EML1: variants seen among roughly 807,000 people sequenced by gnomAD.
EML1 encodes EMAP like 1, also known as echinoderm microtubule-associated protein-like 1.
In EML1, 27 loss-of-function variants were observed where a neutral mutation model predicts 110.4. The ratio of observed to expected loss-of-function variants is 0.24; its 90% CI spans 0.18 to 0.34. The LOEUF is 0.34. Ranked by LOEUF, EML1 falls within the 10% of genes least tolerant of loss-of-function variation. The pLI, the probability that EML1 is intolerant of heterozygous loss-of-function variation, is 1.00. For synonymous variants in EML1, 344 were observed against 385.8 expected (o/e 0.89, Z 1.27); for missense variants, 741 against 1,030.9 (o/e 0.72, Z 3.85).
intron 20 of EML1, 118 bp downstream of exon 20, chr14:99,938,030 GGA>G: frequency 9.6e-7 from 1 of 1,036,814 alleles, no homozygotes; most frequent in Non-Finnish European, 1.4e-6. Flanking sequence ...GGCTGCTACG[GGA>G]GGCCCATGAG....
rs1243025981 is a variant in EML1, at chr14:99,868,772, A to AT, written c.383+3133dup. ...AAAAAAACAATTCTTGGTTTTGTTG[A>AT]TTTTTTTCCTATTGTTTTTCTATTC... On this transcript the variant is annotated intron_variant, in intron 3 of 21. Transcript: ENST00000262233. Among the ~76,000 whole-genome samples, 7 of 150,954 alleles carry AT rather than the reference A, an allele frequency of 4.6e-5. No individual in the cohort carries two copies. In the East Asian group the frequency reaches 5.9e-4, roughly 13 times the overall value.
chr14:99,906,121 A>C (rs2059841998), intron 9 of EML1, among the ~76,000 whole-genome samples: 1 of 151,854 alleles, frequency 6.6e-6, no homozygotes, highest in African/African-American at 2.4e-5. Context: ...ATGTCACTGG[A>C]CCCCACCACT....
At chr14:99,815,931 G>A (rs989671484) in intron 1 of EML1, among the ~76,000 whole-genome samples, 1 of 152,184 alleles carries the variant, frequency 6.6e-6, no homozygotes, top group African/African-American at 2.4e-5. Flanking sequence ...TCTGACAGGG[G>A]TAAGAATGTG....
chr14:99,741,809 G>A (rs540305397), intron 1 of EML1, among the ~76,000 whole-genome samples: 16 of 152,292 alleles, frequency 1.1e-4, no homozygotes, highest in African/African-American at 3.1e-4. Context: ...GGGGCCTGGC[G>A]TGGTGTCCCT....
chr14:99,838,935 G>A (rs1040311118), intron 1 of EML1: 1 of 151,544 alleles, frequency 6.6e-6, no homozygotes, highest in Non-Finnish European at 1.5e-5. Flanking sequence ...GTGTGTGCGC[G>A]CGCGCGTGCA....
intron 15 of EML1, among the ~76,000 whole-genome samples, chr14:99,915,739 C>G (rs916593214): frequency 2.6e-5 from 4 of 152,216 alleles, no homozygotes; most frequent in African/African-American, 9.7e-5. Context: ...GTTCTTTCCA[C>G]TGCATTGCAC....
chr14:99,883,017 G>A (rs1447245475), intron 4 of EML1, among the ~76,000 whole-genome samples: 1 of 152,032 alleles, frequency 6.6e-6, no homozygotes, highest in African/African-American at 2.4e-5. Flanking sequence ...TTCATCTCAG[G>A]GCTCTTCAGG....
chr14:99,866,570 CAAAAAA>C (rs57796662), intron 3 of EML1, among the ~76,000 whole-genome samples: 2 of 80,114 alleles, frequency 2.5e-5, no homozygotes, highest in Non-Finnish European at 4.6e-5. Flanking sequence ...AACTCCATCT[CAAAAAA>C]AAAAAAAAAA....
At chr14:99,848,462 C>T (rs2058739197) in intron 1 of EML1, among the ~76,000 whole-genome samples, 1 of 151,976 alleles carries the variant, frequency 6.6e-6, no homozygotes, top group South Asian at 2.1e-4. Context: ...TATTTTAAAA[C>T]ATGTTGTATA....
intron 11 of EML1, among the ~76,000 whole-genome samples, chr14:99,909,986 T>C (rs1248023190): frequency 6.6e-6 from 1 of 152,156 alleles, no homozygotes; most frequent in Non-Finnish European, 1.5e-5. Flanking sequence ...CTCCGCTTGC[T>C]GTCTGCAGCT....
chr14:99,811,565 G>T (rs2058079911), intron 1 of EML1, among the ~76,000 whole-genome samples: 1 of 151,166 alleles, frequency 6.6e-6, no homozygotes, highest in Non-Finnish European at 1.5e-5. Flanking sequence ...CACTTTGGGT[G>T]GCCAAGGCGG....
intron 2 of EML1, among the ~76,000 whole-genome samples, chr14:99,851,302 A>G (rs921035266): frequency 1.3e-5 from 2 of 151,958 alleles, no homozygotes; most frequent in African/African-American, 4.8e-5. Context: ...CAAATGGACC[A>G]CTGAGAACAG....
chr14:99,830,405 G>A (rs1288145318), intron 1 of EML1, among the ~76,000 whole-genome samples: 1 of 152,160 alleles, frequency 6.6e-6, no homozygotes, highest in Admixed American at 6.5e-5. Flanking sequence ...TACTTGAAAG[G>A]TGGACCCTTC....
rs929370254 is a variant in EML1 at position 99,784,241 on chromosome 14, T to G, written c.-27+10228T>G. 2.6e-5 allele frequency among the ~76,000 whole-genome samples: 4 copies of G among 152,150 alleles called. No individual in the cohort carries two copies. Among genetic ancestry groups the G allele is most frequent in the African/African-American group, 7.2e-5 (3 of 41,448 alleles). ...CTGAGTAGCTGGGACCACAGGCACA[T>G]GCTACCACGCTTGGCTAATTTTTGT... On this transcript the variant is annotated intron_variant, in intron 1 of 22. Coordinates refer to the EML1 transcript ENST00000327921. This position sits in a 1 kb window ranked among gnomAD's most constrained non-coding sequence, Gnocchi z 4.5.
Position 99,781,883 on chromosome 14 carries a change from C to A in EML1, c.-27+7870C>A, listed in dbSNP as rs191631305. Among the ~76,000 whole-genome samples, 67 of 152,294 alleles carry A rather than the reference C, an allele frequency of 4.4e-4. No homozygotes were observed. In the South Asian group the frequency reaches 8.1e-3, roughly 18 times the overall value. ...ACTCCTTGAGGCTGGAGGTATGCTC[C>A]CCCGCTTTTGACTTCTGGACTCCTC... On this transcript the variant is annotated intron_variant, in intron 1 of 22. Transcript: ENST00000327921. The surrounding 1 kb of genome is among the most constrained non-coding windows in gnomAD (Gnocchi z 4.2).
chr14:99,826,956 A>T (rs1362560715), intron 1 of EML1, among the ~76,000 whole-genome samples: 1 of 152,168 alleles, frequency 6.6e-6, no homozygotes, highest in African/African-American at 2.4e-5. Context: ...TGAGGCAGAG[A>T]GTGTCAGTAA....
intron 1 of EML1, among the ~76,000 whole-genome samples, chr14:99,824,657 T>C (rs1284634029): frequency 2.0e-5 from 3 of 152,124 alleles, no homozygotes; most frequent in African/African-American, 7.2e-5. Context: ...CATGGACATA[T>C]TGCATAATGG....
In EML1 at chr14:99,907,844, A is replaced by T; in HGVS notation, c.1104+111A>T. On this transcript the variant is annotated intron_variant, in intron 10 of 21. Coordinates refer to ENST00000262233, the MANE Select transcript of EML1 (RefSeq NM_004434.3). ...CTCATTCCCACCCCAGCCCTTGTGT[A>T]TGACGCCTTCACCTTAGAATCGTTT... is the stretch of plus-strand genomic sequence containing the variant. 13 of 924,212 alleles carry T rather than the reference A, an allele frequency of 1.4e-5. No homozygotes were observed. The South Asian group carries it at 2.1e-4, about 15-fold the overall frequency. The allele number at this position is 924,212 out of a possible 1,614,324, so 57.3% of individuals were successfully genotyped here.
chr14:99,837,347 G>A (rs1038809298), intron 1 of EML1, among the ~76,000 whole-genome samples: 3 of 152,088 alleles, frequency 2.0e-5, no homozygotes, highest in African/African-American at 7.2e-5. Flanking sequence ...CTTCCTCATT[G>A]TCTGGTGTCC....
Sources: allele counts gnomAD v4.1 joint callset (sites outside exome capture counted in the v4.1 genomes callset), GRCh38; gene constraint gnomAD v4.1.1; non-coding constraint Gnocchi (gnomAD v3.1); transcripts MANE v1.5; gene names NCBI Gene and HGNC (gene_info 2026-07-23, HGNC 2026-07-21).